CORO1C: variants seen among roughly 807,000 people sequenced by gnomAD.
CORO1C encodes coronin-1C.
In CORO1C, 14 loss-of-function variants were observed where a neutral mutation model predicts 51.2. The ratio of observed to expected loss-of-function variants is 0.27; its 90% confidence interval spans 0.18 to 0.43. The LOEUF (loss-of-function observed/expected upper bound fraction) is 0.43, where lower values mean the gene tolerates loss of function less well. Among genes scored for constraint, CORO1C ranks in the 20% least tolerant of loss-of-function variants. The pLI is 1.00. For missense variants in CORO1C, 417 were observed against 607.8 expected (o/e 0.69, Z 3.30); for synonymous variants, 181 against 210.5 (o/e 0.86, Z 1.21).
At chr12:108,722,006 A>G (rs1427257157) in intron 1 of CORO1C, among the ~76,000 whole-genome samples, 3 of 152,210 alleles carry the variant, frequency 2.0e-5, no homozygotes, top group Non-Finnish European at 2.9e-5. Context: ...TAAAGCAGGC[A>G]TGGTTTCTTC....
chr12:108,655,669 C>G, intron 6 of CORO1C, among the ~76,000 whole-genome samples: 1 of 150,330 alleles, frequency 6.7e-6, no homozygotes, highest in Non-Finnish European at 1.5e-5. Context: ...AACGGAGTCT[C>G]GTTCACTCAG....
At position 108,709,141 on chromosome 12, in the gene CORO1C, G is replaced by A. The variant is rs117181453; in HGVS notation, c.-5-7818C>T. 6.4e-3 allele frequency among the ~76,000 whole-genome samples: 974 copies of A among 152,010 alleles called. 6 individuals are homozygous for A. Among genetic ancestry groups the A allele is most frequent in the Non-Finnish European group, 0.01 (682 of 67,980 alleles). Reference sequence around the variant, plus strand: ...TGATTATATATATATACTATAAACCGCTGAACTGTACACTTTAAATGAGTG... The same window carrying A: ...TGATTATATATATATACTATAAACCACTGAACTGTACACTTTAAATGAGTG... On this transcript the variant is annotated intron_variant, in intron 1 of 10. Transcript: ENST00000261401.
At chr12:108,688,051 G>A (rs946043924) in intron 2 of CORO1C, among the ~76,000 whole-genome samples, 8 of 151,642 alleles carry the variant, frequency 5.3e-5, no homozygotes, top group Admixed American at 3.9e-4. Context: ...AGCCTCCTGA[G>A]TAGCTGGGAT....
chr12:108,661,856 C>T (rs1157654615), intron 4 of CORO1C, among the ~76,000 whole-genome samples, 173 bp downstream of exon 4: 1 of 152,158 alleles, frequency 6.6e-6, no homozygotes, highest in Non-Finnish European at 1.5e-5. Context: ...TGCACACACA[C>T]ACAAGTATGT....
rs1418055615 is a variant in CORO1C at position 108,731,137 on chromosome 12, C to G, written c.-6+292G>C. The G allele has an allele frequency of 1.9e-4, 29 of 153,078 alleles. No homozygotes were observed. The highest frequency in any genetic ancestry group is 1.8e-3 in the Admixed American group (27 of 15,292). The allele number at this position is 153,078 out of a possible 1,614,324, so 9.5% of individuals were successfully genotyped here. ...GGCTCCGCACCCGGCCAGGAGCGTT[C>G]CGGACCTCGAAAGCCTCCTCCCCAC... is the stretch of plus-strand genomic sequence containing the variant. On this transcript the variant is annotated intron_variant, in intron 1 of 10. Coordinates refer to ENST00000261401, the MANE Select transcript of CORO1C (RefSeq NM_014325.4). The surrounding 1 kb of genome is among the most constrained non-coding windows in gnomAD (Gnocchi z 5.2).
chr12:108,671,465 GAAA>G (rs34822039), intron 3 of CORO1C, among the ~76,000 whole-genome samples: 1 of 129,990 alleles, frequency 7.7e-6, no homozygotes, highest in African/African-American at 2.9e-5. Flanking sequence ...AAAGGAACAG[GAAA>G]AAAAAAATTA....
At position 108,648,641 on chromosome 12, in the gene CORO1C, G is replaced by C; in HGVS notation, c.1269C>G (p.Ile423Met). The stretch of plus-strand genomic sequence containing the variant: ...TGTCTGTGGTTTTCTTGGGGATGCT[G>C]ATCAGGTCGCACTTCTTGTTTGCAG... ...KPTANKKCDL[I>M]SIPKKTTDTA... Residue 423 changes from isoleucine (I) to methionine (M), a missense_variant, in exon 10 of 11, where the codon ATC becomes ATG. By Grantham distance (10) the Ile-to-Met change is conservative. Transcript: ENST00000261401. 4 of 1,614,232 alleles carry C rather than the reference G, an allele frequency of 2.5e-6. No individual in the cohort carries two copies. Among genetic ancestry groups the C allele is most frequent in the Non-Finnish European group, 3.4e-6 (4 of 1,180,046 alleles).
intron 1 of CORO1C, among the ~76,000 whole-genome samples, chr12:108,707,455 G>A (rs191097935): frequency 4.9e-4 from 75 of 152,268 alleles, no homozygotes; most frequent in Admixed American, 3.3e-4. Flanking sequence ...TCAACAGATG[G>A]TACTGGGACA....
At chr12:108,666,398 T>C (rs924599468) in intron 3 of CORO1C, among the ~76,000 whole-genome samples, 1 of 152,076 alleles carries the variant, frequency 6.6e-6, no homozygotes, top group African/African-American at 2.4e-5. Flanking sequence ...GAGGGGGTGG[T>C]GTTCTCTACG....
At chr12:108,676,945 CAGG>C (rs1052678293) in intron 3 of CORO1C, among the ~76,000 whole-genome samples, 3 of 152,104 alleles carry the variant, frequency 2.0e-5, no homozygotes, top group African/African-American at 7.2e-5. Flanking sequence ...TATGAGATCA[CAGG>C]AGGAGACATT....
intron 1 of CORO1C, among the ~76,000 whole-genome samples, chr12:108,703,778 C>A (rs370617530): frequency 6.6e-6 from 1 of 151,390 alleles, no homozygotes; most frequent in Non-Finnish European, 1.5e-5. Flanking sequence ...TGACTATGGG[C>A]CTGGATGACA....
At chr12:108,648,457 G>T in intron 10 of CORO1C, 148 bp downstream of exon 10, 1 of 1,062,078 alleles carries the variant, frequency 9.4e-7, no homozygotes, top group Non-Finnish European at 1.4e-6. Flanking sequence ...ACCATCACGT[G>T]ACCGAGGACC....
intron 2 of CORO1C, among the ~76,000 whole-genome samples, chr12:108,691,747 C>T (rs917971143): frequency 7.2e-5 from 11 of 152,272 alleles, no homozygotes; most frequent in African/African-American, 2.6e-4. Flanking sequence ...GTCAGGCCTG[C>T]GGGCCGGCTG....
intron 3 of CORO1C, among the ~76,000 whole-genome samples, chr12:108,672,346 T>C (rs1191924198): frequency 6.6e-6 from 1 of 152,236 alleles, no homozygotes; most frequent in Non-Finnish European, 1.5e-5. Flanking sequence ...GGAGGGATAA[T>C]AGACACAGCA....
rs558603279 is a variant in CORO1C, at chr12:108,702,784, A to G, written c.-5-1461T>C. On this transcript the variant is annotated intron_variant, in intron 1 of 10. Transcript: ENST00000261401. ...GCAGAGAGACGAATTTATTTTTGCCAGAGTCTCTTACCCTTCCAACGCATG... is the reference window on the plus strand; with the variant it reads ...GCAGAGAGACGAATTTATTTTTGCCGGAGTCTCTTACCCTTCCAACGCATG... 70 of 1,496,558 alleles carry G rather than the reference A, an allele frequency of 4.7e-5. 1 individual carries two copies. The East Asian group carries it at 1.6e-3, about 34-fold the overall frequency. 92.7% of individuals were successfully genotyped at this position (1,496,558 alleles called of 1,614,324 possible).
At chr12:108,698,144 C>G (rs975430068) in intron 2 of CORO1C, among the ~76,000 whole-genome samples, 2 of 152,226 alleles carry the variant, frequency 1.3e-5, no homozygotes, top group Admixed American at 6.5e-5. Flanking sequence ...TGAGAACTAC[C>G]TAGGCACATG....
chr12:108,656,398 G>A (rs1158306101), intron 6 of CORO1C, among the ~76,000 whole-genome samples: 6 of 144,474 alleles, frequency 4.2e-5, no homozygotes, highest in East Asian at 2.1e-4. Flanking sequence ...GGCAGCCCCC[G>A]CCCGGCCAGC....
intron 3 of CORO1C, among the ~76,000 whole-genome samples, chr12:108,667,531 C>G (rs1380847913): frequency 6.6e-6 from 1 of 152,034 alleles, no homozygotes; most frequent in Non-Finnish European, 1.5e-5. Flanking sequence ...CTGTGTGTTC[C>G]TAACATTTTC....
chr12:108,704,534 T>C (rs539809878), intron 1 of CORO1C, among the ~76,000 whole-genome samples: 4 of 152,204 alleles, frequency 2.6e-5, no homozygotes, highest in African/African-American at 7.2e-5. Context: ...TACATGTGGA[T>C]AGAATGATAT....
Sources: allele counts gnomAD v4.1 joint callset (sites outside exome capture counted in the v4.1 genomes callset), GRCh38; gene constraint gnomAD v4.1.1; non-coding constraint Gnocchi (gnomAD v3.1); transcripts MANE v1.5; gene names NCBI Gene and HGNC (gene_info 2026-07-23, HGNC 2026-07-21).